NRXN1: variants seen among roughly 807,000 people sequenced by gnomAD.
NRXN1 encodes neurexin 1.
A neutral mutation model predicts 150.9 loss-of-function variants in NRXN1; 39 were observed. The ratio of observed to expected loss-of-function variants is 0.26; its 90% CI spans 0.20 to 0.34. NRXN1 has a LOEUF of 0.34. NRXN1 is among the 10% of genes least tolerant of loss of function. The probability of loss-of-function intolerance (pLI) is 1.00; values close to 1 mark genes in which losing one functional copy is unlikely to be tolerated. For synonymous variants in NRXN1, 924 were observed against 757.0 expected (o/e 1.22, Z -3.62); for missense variants, 1,815 against 1,949.9 (o/e 0.93, Z 1.30).
chr2:50,137,543 AAAG>A (rs1558954644), intron 18 of NRXN1, among the ~76,000 whole-genome samples: 1 of 152,204 alleles, frequency 6.6e-6, no homozygotes, highest in Non-Finnish European at 1.5e-5. Context: ...TCAAAATTAA[AAAG>A]AAGAAATGTA....
intron 18 of NRXN1, among the ~76,000 whole-genome samples, chr2:50,104,956 G>C (rs980244080): frequency 6.6e-6 from 1 of 151,976 alleles, no homozygotes; most frequent in Non-Finnish European, 1.5e-5. Context: ...CATTTTGCCA[G>C]CCTACCAATC....
intron 5 of NRXN1, among the ~76,000 whole-genome samples, chr2:50,770,322 T>G (rs1407062202): frequency 2.0e-5 from 3 of 151,376 alleles, no homozygotes; most frequent in African/African-American, 7.3e-5. Flanking sequence ...TACATAATTT[T>G]ATATTTTATA....
intron 18 of NRXN1, among the ~76,000 whole-genome samples, chr2:50,232,025 T>C (rs556119229): frequency 6.6e-6 from 1 of 152,258 alleles, no homozygotes; most frequent in African/African-American, 2.4e-5. Flanking sequence ...TAAAAATCTA[T>C]TATTTGTTAA....
chr2:50,834,161 C>A (rs1034715448), intron 5 of NRXN1, among the ~76,000 whole-genome samples: 3 of 152,040 alleles, frequency 2.0e-5, no homozygotes, highest in Non-Finnish European at 4.4e-5. Context: ...TACTAAAAAA[C>A]TGAGAAGTAG....
chr2:50,499,830 C>T (rs2091852439), intron 13 of NRXN1, among the ~76,000 whole-genome samples: 1 of 151,688 alleles, frequency 6.6e-6, no homozygotes, highest in Non-Finnish European at 1.5e-5. Context: ...CGCCTGTAAT[C>T]CCAGCTACTC....
chr2:50,622,880 GTAGGGACTGA>G (rs1234399314), intron 6 of NRXN1, among the ~76,000 whole-genome samples: 1 of 152,148 alleles, frequency 6.6e-6, no homozygotes, highest in Non-Finnish European at 1.5e-5. Context: ...GGAGGAGGGA[GTAGGGACTGA>G]TACAATCCCA....
intron 5 of NRXN1, among the ~76,000 whole-genome samples, chr2:50,814,093 T>C (rs992693832): frequency 6.6e-5 from 10 of 152,158 alleles, no homozygotes; most frequent in African/African-American, 2.2e-4. Context: ...GGCAACTGTA[T>C]GCAAAATGCA....
chr2:50,165,688 C>T (rs2059638840), intron 18 of NRXN1, among the ~76,000 whole-genome samples: 1 of 152,178 alleles, frequency 6.6e-6, no homozygotes, highest in Non-Finnish European at 1.5e-5. Context: ...CTGAGCCTTA[C>T]TTTCCTCCTC....
chr2:50,228,024 G>T (rs1344752124), intron 18 of NRXN1, among the ~76,000 whole-genome samples: 1 of 152,030 alleles, frequency 6.6e-6, no homozygotes, highest in African/African-American at 2.4e-5. Flanking sequence ...GGAAAATTTA[G>T]ATTCTGAAAT....
intron 22 of NRXN1, among the ~76,000 whole-genome samples, chr2:49,931,665 T>G (rs1670141447): frequency 6.6e-6 from 1 of 151,898 alleles, no homozygotes; most frequent in African/African-American, 2.4e-5. Flanking sequence ...ATTGAGAAAA[T>G]CAGTTTCAAA....
chr2:50,827,418 T>C (rs1177101629), intron 5 of NRXN1, among the ~76,000 whole-genome samples: 2 of 152,186 alleles, frequency 1.3e-5, no homozygotes, highest in Admixed American at 6.5e-5. Context: ...TGGGGAAATA[T>C]GCCCTGACAC....
chr2:50,864,839 C>T (rs1676649123), intron 5 of NRXN1, among the ~76,000 whole-genome samples: 1 of 151,938 alleles, frequency 6.6e-6, no homozygotes, highest in African/African-American at 2.4e-5. Context: ...TCAAGAAGCA[C>T]CCGGAAGAAC....
intron 17 of NRXN1, among the ~76,000 whole-genome samples, chr2:50,424,863 A>G (rs752417743): frequency 3.3e-4 from 50 of 151,284 alleles, no homozygotes; most frequent in Non-Finnish European, 6.6e-4. Flanking sequence ...CAGTAATATC[A>G]GTTATTTCGT....
intron 17 of NRXN1, among the ~76,000 whole-genome samples, chr2:50,422,749 A>G (rs2084097090): frequency 2.0e-5 from 3 of 152,230 alleles, no homozygotes; most frequent in Non-Finnish European, 4.4e-5. Context: ...CGTAGCAACC[A>G]GAACCACAAA....
chr2:50,310,741 A>C (rs149808373), intron 17 of NRXN1, among the ~76,000 whole-genome samples: 16 of 152,282 alleles, frequency 1.1e-4, no homozygotes, highest in African/African-American at 3.8e-4. Flanking sequence ...GTATATGCTT[A>C]TACTGATGCA....
At chr2:50,522,602 C>T (rs1195472872) in intron 12 of NRXN1, among the ~76,000 whole-genome samples, 1 of 151,924 alleles carries the variant, frequency 6.6e-6, no homozygotes, top group Admixed American at 6.6e-5. Context: ...CATTCTGTTG[C>T]CTAATCCATG....
intron 5 of NRXN1, among the ~76,000 whole-genome samples, chr2:50,850,199 G>C (rs911771594): frequency 6.7e-6 from 1 of 148,536 alleles, no homozygotes; most frequent in Admixed American, 6.7e-5. Context: ...CTGCACTCCA[G>C]CCTGGGCAAC....
rs185447883 is a variant in NRXN1, at chr2:50,525,229, G to A, written c.2374+3396C>T. ...AAGCACCTTGTTCAATATGATTTAA[G>A]GTTTCAACAATGATTTGTTAATATT... On this transcript the variant is annotated intron_variant, in intron 12 of 22. Coordinates refer to ENST00000401669, the MANE Select transcript of NRXN1 (RefSeq NM_001330078.2). Among the ~76,000 whole-genome samples, 20 of 152,270 alleles carry A rather than the reference G, an allele frequency of 1.3e-4. 1 individual carries two copies. The highest frequency in any genetic ancestry group is 1.1e-3 in the Admixed American group (17 of 15,282).
intron 15 of NRXN1, among the ~76,000 whole-genome samples, chr2:50,487,969 A>C (rs1375620156): frequency 6.6e-6 from 1 of 152,142 alleles, no homozygotes; most frequent in Non-Finnish European, 1.5e-5. Context: ...ATGTATAAAC[A>C]AAGTCTCTGT....
Sources: allele counts gnomAD v4.1 joint callset (sites outside exome capture counted in the v4.1 genomes callset), GRCh38; gene constraint gnomAD v4.1.1; transcripts MANE v1.5; gene names NCBI Gene and HGNC (gene_info 2026-07-23, HGNC 2026-07-21).